Variants in CLUH observed in about 807,000 individuals in gnomAD.
CLUH encodes clustered mitochondria protein homolog.
Under a neutral mutation model 139.3 loss-of-function variants are expected in CLUH, and 77 were observed. The ratio of observed to expected loss-of-function variants is 0.55; its 90% CI spans 0.46 to 0.67. The LOEUF (loss-of-function observed/expected upper bound fraction) is 0.67, where lower values mean the gene tolerates loss of function less well. Ranked by LOEUF, CLUH falls within the 30% of genes least tolerant of loss-of-function variation. The pLI, the probability that CLUH is intolerant of heterozygous loss-of-function variation, is 0.00. For synonymous variants in CLUH, 999 were observed against 801.6 expected (o/e 1.25, Z -4.16); for missense variants, 1,876 against 1,875.8 (o/e 1.00, Z 0.00).
chr17:2,690,818 T>TC, intron 25 of CLUH, 41 bp from the exon 26 acceptor site: 1 of 1,401,522 alleles, frequency 7.1e-7, no homozygotes. Context: ...CTCAGAGGAG[T>TC]CCTGGGGGCT....
In CLUH at chr17:2,707,374, C is replaced by T; in HGVS notation, c.101-2810G>A. On this transcript the variant is annotated intron_variant, in intron 1 of 25. Coordinates refer to ENST00000651024, the MANE Select transcript of CLUH (RefSeq NM_001366661.1). This position sits in a 1 kb window ranked among gnomAD's most constrained non-coding sequence, Gnocchi z 7.4. ...TCGGGTTTCAGTGGGGCCAGGCCTG[C>T]CATGGCAGCCCCAGGAAGGGCACAC... The T allele has an allele frequency of 1.0e-6, 1 of 985,326 alleles. No homozygotes were observed. 61.0% of individuals were successfully genotyped at this position (985,326 alleles called of 1,614,324 possible).
Position 2,707,629 on chromosome 17 carries a change from G to A in CLUH, c.101-3065C>T. 2.0e-6 allele frequency: 2 copies of A among 985,384 alleles called. No homozygotes were observed. The highest frequency in any genetic ancestry group is 2.4e-6 in the Non-Finnish European group (2 of 829,894). 61.0% of individuals were successfully genotyped at this position (985,384 alleles called of 1,614,324 possible). Reference sequence around the variant, plus strand: ...GAGGGCCTAGGAGACTGGCTGGCAGGGGCAGGGCCCAGCAAGGGGGTCCTC... The same window carrying A: ...GAGGGCCTAGGAGACTGGCTGGCAGAGGCAGGGCCCAGCAAGGGGGTCCTC... On this transcript the variant is annotated intron_variant, in intron 1 of 25. Transcript: ENST00000651024. The surrounding 1 kb of genome is among the most constrained non-coding windows in gnomAD (Gnocchi z 7.4).
In CLUH at chr17:2,694,469, G is replaced by A. The variant is rs748592917; in HGVS notation, c.2937+11C>T. 1.6e-5 allele frequency: 25 copies of A among 1,567,496 alleles called. No individual in the cohort carries two copies. The South Asian group carries it at 2.0e-4, about 13-fold the overall frequency. On this transcript the variant is annotated intron_variant, in intron 17 of 25. Transcript: ENST00000651024. Reference sequence around the variant, plus strand: ...CGGGGACACAGCGGGGATGCTGTGAGCCATGCCCACCTGGATCCCTGTTTT... The same window carrying A: ...CGGGGACACAGCGGGGATGCTGTGAACCATGCCCACCTGGATCCCTGTTTT...
In CLUH at chr17:2,703,634, T is replaced by C. The variant is rs535954947; in HGVS notation, c.304-145A>G. 11 of 737,276 alleles carry C rather than the reference T, an allele frequency of 1.5e-5. No homozygotes were observed. Among genetic ancestry groups the C allele is most frequent in the Admixed American group, 5.5e-5 (2 of 36,124 alleles). The allele number at this position is 737,276 out of a possible 1,614,324, so 45.7% of individuals were successfully genotyped here. ...GCCCAAAGTACCTTGGTCCCCAGAA[T>C]AAATGCCCCAAATACTCGAATATCG... On this transcript the variant is annotated intron_variant, in intron 2 of 25. Coordinates refer to ENST00000651024, the MANE Select transcript of CLUH (RefSeq NM_001366661.1). This position sits in a 1 kb window ranked among gnomAD's most constrained non-coding sequence, Gnocchi z 4.2.
Position 2,698,452 on chromosome 17 carries a change from C to T in CLUH, c.1405G>A (p.Asp469Asn). 2.5e-6 allele frequency: 4 copies of T among 1,613,346 alleles called. No individual in the cohort carries two copies. Among genetic ancestry groups the T allele is most frequent in the East Asian group, 2.2e-5 (1 of 44,872 alleles). The change falls in exon 10 of 26, where the codon GAC becomes AAC. Residue 469 changes from aspartate to asparagine, a missense_variant. Physicochemically the swap from Asp to Asn is conservative, Grantham distance 23. Around this residue, in one of 3 missense-constraint regions of CLUH, gnomAD observed 1,454 missense variants for 1,384.4 expected, o/e 1.05. Transcript: ENST00000651024. The part of the protein sequence containing the change: ...WNNIFFSLGF[D>N]VRDHYKDFGG... ...AAGTCCTTGTAGTGGTCTCGGACGTCGAAGCCCAGGCTGAAGAAGATGTTG... is the reference window on the plus strand; with the variant it reads ...AAGTCCTTGTAGTGGTCTCGGACGTTGAAGCCCAGGCTGAAGAAGATGTTG...
chr17:2,708,099 G>C, intron 1 of CLUH: 3 of 729,884 alleles, frequency 4.1e-6, no homozygotes, highest in Non-Finnish European at 5.0e-6. Context: ...AGCTGGCCAG[G>C]GCGCCTTCCC....
chr17:2,708,107 C>A (rs1402609053), intron 1 of CLUH: 1 of 588,842 alleles, frequency 1.7e-6, no homozygotes, highest in Admixed American at 6.3e-5. Flanking sequence ...AGGGCGCCTT[C>A]CCAGGGCCTC....
chr17:2,704,619 G>A lies in CLUH; in HGVS notation c.101-55C>T, dbSNP rs2070294657. On this transcript the variant is annotated intron_variant, in intron 1 of 25. Coordinates refer to ENST00000651024, the MANE Select transcript of CLUH (RefSeq NM_001366661.1). This position sits in a 1 kb window ranked among gnomAD's most constrained non-coding sequence, Gnocchi z 5.7. Reference sequence around the variant, plus strand: ...GGCAGCCTCGCTGGTCGGCGGGGCTGTCCGCCTGACCCCACACGGGGACAC... The same window carrying A: ...GGCAGCCTCGCTGGTCGGCGGGGCTATCCGCCTGACCCCACACGGGGACAC... The A allele has an allele frequency of 6.8e-7, 1 of 1,474,122 alleles. No individual in the cohort carries two copies. The highest frequency in any genetic ancestry group is 1.3e-5 in the South Asian group (1 of 77,870). The allele number at this position is 1,474,122 out of a possible 1,614,324, so 91.3% of individuals were successfully genotyped here.
In CLUH at chr17:2,697,877, C is replaced by T. The variant is rs922773352; in HGVS notation, c.1961+19G>A. The T allele has an allele frequency of 1.2e-5, 18 of 1,458,834 alleles. No homozygotes were observed. The highest frequency in any genetic ancestry group is 2.1e-4 in the Middle Eastern group (1 of 4,704). The allele number at this position is 1,458,834 out of a possible 1,614,324, so 90.4% of individuals were successfully genotyped here. On this transcript the variant is annotated intron_variant, in intron 10 of 25. Coordinates refer to ENST00000651024, the MANE Select transcript of CLUH (RefSeq NM_001366661.1). ...CCTGCAGCTGGCCCCGGCCCTGGTC[C>T]GGCAGGGCCGCCCCTCACCTGTGCT... is the stretch of plus-strand genomic sequence containing the variant.
In CLUH at chr17:2,694,362, G is replaced by A; in HGVS notation, c.2938-86C>T. 1.3e-6 allele frequency: 2 copies of A among 1,522,234 alleles called. 1 individual carries two copies. The highest frequency in any genetic ancestry group is 1.8e-6 in the Non-Finnish European group (2 of 1,127,722). 94.3% of individuals were successfully genotyped at this position (1,522,234 alleles called of 1,614,324 possible). On this transcript the variant is annotated intron_variant, in intron 17 of 25. Transcript: ENST00000651024. ...CCCAACCCACCAACGCTTGCGCACA[G>A]ACGGCTACCGTGAAAAAGCCACTTC...
intron 3 of CLUH, among the ~76,000 whole-genome samples, chr17:2,702,879 C>A (rs1411500695): frequency 1.3e-5 from 2 of 150,970 alleles, no homozygotes; most frequent in African/African-American, 2.4e-5. Flanking sequence ...TGCTGGAGTG[C>A]AGTGGCACGA....
chr17:2,691,374 C>G, intron 25 of CLUH, among the ~76,000 whole-genome samples: 1 of 152,124 alleles, frequency 6.6e-6, no homozygotes, highest in Admixed American at 6.5e-5. Flanking sequence ...CCAGCCTGGT[C>G]AACGTGGTGA....
Position 2,694,910 on chromosome 17 carries a change from G to A in CLUH, c.2799C>T (p.Leu933=), listed in dbSNP as rs1432076451. Residue 933 remains leucine, a synonymous_variant, in exon 16 of 26, where the codon CTC becomes CTT. Coordinates refer to ENST00000651024, the MANE Select transcript of CLUH (RefSeq NM_001366661.1). The stretch of plus-strand genomic sequence containing the variant: ...TGGCCTCCTGGCAGATGTTCTTCCA[G>A]AGCTCCTGGGGGGTCATGACAGCCC... ...TAWAVMTPQE[L]WKNICQEAKN... The A allele has an allele frequency of 1.9e-6, 3 of 1,581,238 alleles. No individual in the cohort carries two copies. Among genetic ancestry groups the A allele is most frequent in the Non-Finnish European group, 2.6e-6 (3 of 1,161,404 alleles).
At position 2,704,250 on chromosome 17, in the gene CLUH, A is replaced by G. The variant is rs991494991; in HGVS notation, c.303+112T>C. ...ACTCTAGGGAGGGCACGGGATCCTC[A>G]GTTTCCTGCCACAAAATGGGGCCGG... On this transcript the variant is annotated intron_variant, in intron 2 of 25. Transcript: ENST00000651024. The surrounding 1 kb of genome is among the most constrained non-coding windows in gnomAD (Gnocchi z 5.7). 9 of 1,150,248 alleles carry G rather than the reference A, an allele frequency of 7.8e-6. No individual in the cohort carries two copies. Among genetic ancestry groups the G allele is most frequent in the Non-Finnish European group, 9.8e-6 (8 of 819,432 alleles). The allele number at this position is 1,150,248 out of a possible 1,614,324, so 71.3% of individuals were successfully genotyped here.
intron 16 of CLUH, 36 bp downstream of exon 16, chr17:2,694,821 A>AAG: frequency 5.5e-6 from 8 of 1,446,318 alleles, no homozygotes; most frequent in Non-Finnish European, 7.4e-6. Context: ...CATCTGCCCA[A>AAG]TCCCACCCAC....
At chr17:2,692,312 G>A in intron 22 of CLUH, 49 bp downstream of exon 22, 1 of 1,490,708 alleles carries the variant, frequency 6.7e-7, no homozygotes, top group Non-Finnish European at 8.9e-7. Flanking sequence ...CCCGCCGGCT[G>A]CCCCGCAGGC....
At position 2,690,390 on chromosome 17, in the gene CLUH, C is replaced by A; in HGVS notation, c.*204G>T. Reference sequence around the variant, plus strand: ...TCACGTGTCTCCAATGGGGCCTCTGCATCATCTATTCATTGAACCAGCGCA... The same window carrying A: ...TCACGTGTCTCCAATGGGGCCTCTGAATCATCTATTCATTGAACCAGCGCA... On this transcript the variant is annotated 3_prime_UTR_variant, in exon 26 of 26. Coordinates refer to ENST00000651024, the MANE Select transcript of CLUH (RefSeq NM_001366661.1). 2.2e-6 allele frequency: 1 copy of A among 445,626 alleles called. No homozygotes were observed. Among genetic ancestry groups the A allele is most frequent in the Non-Finnish European group, 3.9e-6 (1 of 255,524 alleles). 27.6% of individuals were successfully genotyped at this position (445,626 alleles called of 1,614,324 possible).
In CLUH at chr17:2,696,834, G is replaced by A. The variant is rs369501779; in HGVS notation, c.2070C>T (p.Ser690=). ...LENGGPSSLE[S]KSEDPPGQEA... ...CCTGTCCTGGAGGATCCTCAGACTTGGACTCCAAGGAGGAAGGACCACCAT... is the reference window on the plus strand; with the variant it reads ...CCTGTCCTGGAGGATCCTCAGACTTAGACTCCAAGGAGGAAGGACCACCAT... Residue 690 remains serine, a synonymous_variant, in exon 11 of 26, where the codon TCC becomes TCT. Coordinates refer to ENST00000651024, the MANE Select transcript of CLUH (RefSeq NM_001366661.1). 14 of 1,613,462 alleles carry A rather than the reference G, an allele frequency of 8.7e-6. No individual in the cohort carries two copies. Among genetic ancestry groups the A allele is most frequent in the African/African-American group, 1.3e-5 (1 of 74,946 alleles).
At position 2,704,941 on chromosome 17, in the gene CLUH, C is replaced by T. The variant is rs571615905; in HGVS notation, c.101-377G>A. Among the ~76,000 whole-genome samples, 14 of 152,274 alleles carry T rather than the reference C, an allele frequency of 9.2e-5. No individual in the cohort carries two copies. Among genetic ancestry groups the T allele is most frequent in the South Asian group, 4.1e-4 (2 of 4,820 alleles). On this transcript the variant is annotated intron_variant, in intron 1 of 25. Transcript: ENST00000651024. The surrounding 1 kb of genome is among the most constrained non-coding windows in gnomAD (Gnocchi z 5.7). ...CTCTGACCCCACACAGTGCCCTTGCCCCTCCCTCTCCAGCTCCATCCTCTT... is the reference window on the plus strand; with the variant it reads ...CTCTGACCCCACACAGTGCCCTTGCTCCTCCCTCTCCAGCTCCATCCTCTT...
Sources: allele counts gnomAD v4.1 joint callset (sites outside exome capture counted in the v4.1 genomes callset), GRCh38; gene constraint gnomAD v4.1.1; regional missense constraint gnomAD v4.1.1; non-coding constraint Gnocchi (gnomAD v3.1); transcripts MANE v1.5; gene names NCBI Gene and HGNC (gene_info 2026-07-23, HGNC 2026-07-21).